The following ATP10B variants were observed in gnomAD, a reference collection of about 807,000 sequenced individuals.
ATP10B encodes ATPase phospholipid transporting 10B (putative), also known as phospholipid-transporting ATPase VB.
A neutral mutation model predicts 141.2 loss-of-function variants in ATP10B; 122 were observed. The observed-to-expected ratio is 0.86, with a 90% CI of 0.75 to 1.00. The LOEUF (loss-of-function observed/expected upper bound fraction) is 1.00, where lower values mean the gene tolerates loss of function less well. Ranked by LOEUF, ATP10B falls within the 50% of genes least tolerant of loss-of-function variation. ATP10B has a pLI of 0.00. For missense variants in ATP10B, 1,876 were observed against 1,825.3 expected (o/e 1.03, Z -0.51); for synonymous variants, 685 against 692.0 (o/e 0.99, Z 0.16).
chr5:160,640,706 A>C, intron 9 of ATP10B, 114 bp from the exon 10 acceptor site: 1 of 1,393,602 alleles, frequency 7.2e-7, no homozygotes, highest in East Asian at 2.3e-5. Flanking sequence ...TCACTCTTTA[A>C]CCTGAACTTG....
the ATP10B span, among the ~76,000 whole-genome samples, chr5:160,878,667 A>G: frequency 3.3e-5 from 5 of 152,204 alleles, no homozygotes; most frequent in African/African-American, 1.2e-4. Context: ...ACAATCTACA[A>G]TGAACTCAAA....
chr5:160,598,611 G>C (rs974558961), intron 22 of ATP10B, among the ~76,000 whole-genome samples, 159 bp downstream of exon 22: 1 of 152,134 alleles, frequency 6.6e-6, no homozygotes, highest in Non-Finnish European at 1.5e-5. Context: ...AAACGGGTCA[G>C]GAAAGGAGAG....
intron 1 of ATP10B, among the ~76,000 whole-genome samples, chr5:160,797,896 G>T (rs1435816797): frequency 6.7e-6 from 1 of 148,930 alleles, no homozygotes; most frequent in Non-Finnish European, 1.5e-5. Context: ...TTCGAGACCA[G>T]CCTGGGCAAC....
chr5:160,849,225 T>C (rs1753642085), intron 1 of ATP10B, among the ~76,000 whole-genome samples: 1 of 152,186 alleles, frequency 6.6e-6, no homozygotes, highest in African/African-American at 2.4e-5. Context: ...GATCTGGAAT[T>C]TTTAATTAAG....
chr5:160,666,937 G>A (rs958488308), intron 7 of ATP10B, among the ~76,000 whole-genome samples: 5 of 152,068 alleles, frequency 3.3e-5, no homozygotes, highest in Admixed American at 6.6e-5. Context: ...GAGGCTCTGG[G>A]ACCGGGCACA....
In ATP10B at chr5:160,805,693, C is replaced by T. The variant is rs1030338889; in HGVS notation, c.-575-19890G>A. On this transcript the variant is annotated intron_variant, in intron 1 of 25. Transcript: ENST00000327245. ...AGCATTTACACGGTGTGGGCAGTGG[C>T]CCCTAGTGCCCCAGAGGCTCTTGTT... 2.0e-5 allele frequency among the ~76,000 whole-genome samples: 3 copies of T among 152,120 alleles called. No individual in the cohort carries two copies. In the South Asian group the frequency reaches 6.2e-4, roughly 31 times the overall value.
At chr5:160,816,790 A>G (rs1188242544) in intron 1 of ATP10B, among the ~76,000 whole-genome samples, 2 of 152,312 alleles carry the variant, frequency 1.3e-5, no homozygotes, top group Middle Eastern at 6.8e-3. Flanking sequence ...AGCACATCAA[A>G]AAGCTTATCC....
intron 7 of ATP10B, among the ~76,000 whole-genome samples, chr5:160,651,411 T>C (rs1025593212): frequency 1.2e-4 from 19 of 152,132 alleles, no homozygotes; most frequent in African/African-American, 4.1e-4. Context: ...CTCCTCTACA[T>C]TGACTAATCC....
intron 3 of ATP10B, 51 bp from the exon 4 acceptor site, chr5:160,688,994 ATGC>A: frequency 1.0e-6 from 1 of 955,818 alleles, no homozygotes; most frequent in Non-Finnish European, 1.2e-6. Flanking sequence ...TGGCAAAGAA[ATGC>A]TGCTTTACAG....
intron 8 of ATP10B, among the ~76,000 whole-genome samples, chr5:160,647,448 G>T (rs1293201657): frequency 1.3e-5 from 2 of 152,210 alleles, no homozygotes; most frequent in African/African-American, 4.8e-5. Flanking sequence ...AGGAAGGACA[G>T]GTCTCCCAGA....
In ATP10B at chr5:160,686,248, G is replaced by A. The variant is rs770036702; in HGVS notation, c.301C>T (p.Leu101=). 3 of 1,603,510 alleles carry A rather than the reference G, an allele frequency of 1.9e-6. No homozygotes were observed. Among genetic ancestry groups the A allele is most frequent in the South Asian group, 1.1e-5 (1 of 89,830 alleles). ...HRWANLYFLF[L]VILNWMPSME... is the part of the protein sequence containing the mutation. Reference sequence around the variant, plus strand: ...GAGGGCATCCAGTTCAAAATCACCAGGAACAGGAAATAGAGGTTAGCCCAT... The same window carrying A: ...GAGGGCATCCAGTTCAAAATCACCAAGAACAGGAAATAGAGGTTAGCCCAT... The change falls in exon 6 of 26, where the codon CTG becomes TTG. Residue 101 remains leucine, a synonymous_variant. Coordinates refer to ENST00000327245, the MANE Select transcript of ATP10B (RefSeq NM_025153.3).
At chr5:160,844,829 G>C (rs1358568789) in intron 1 of ATP10B, among the ~76,000 whole-genome samples, 1 of 152,134 alleles carries the variant, frequency 6.6e-6, no homozygotes, top group African/African-American at 2.4e-5. Flanking sequence ...ACAGGCATGA[G>C]ACACTGTCCC....
intron 2 of ATP10B, among the ~76,000 whole-genome samples, chr5:160,736,465 T>TA (rs1448007453): frequency 6.6e-6 from 1 of 152,038 alleles, no homozygotes; most frequent in East Asian, 1.9e-4. Flanking sequence ...AAAGCCATAA[T>TA]AAAAAGTCTA....
At chr5:160,668,479 T>C (rs1014598730) in intron 7 of ATP10B, among the ~76,000 whole-genome samples, 1 of 152,228 alleles carries the variant, frequency 6.6e-6, no homozygotes, top group Non-Finnish European at 1.5e-5. Context: ...CAGGCTGTTA[T>C]TGCTTGTCTA....
intron 3 of ATP10B, among the ~76,000 whole-genome samples, chr5:160,714,873 CGTGTGAGGTGTCA>C (rs1765502352): frequency 6.8e-6 from 1 of 147,144 alleles, no homozygotes; most frequent in South Asian, 2.2e-4. Context: ...AATACCCTGC[CGTGTGAGGTGTCA>C]GTGTGGCCCT....
rs1391891034 is a variant in ATP10B, at chr5:160,607,079, C to T, written c.2846G>A (p.Cys949Tyr). Residue 949 changes from cysteine to tyrosine, a missense_variant, in exon 19 of 26, where the codon TGT (cysteine) becomes TAT (tyrosine). By Grantham distance (194) the Cys-to-Tyr change is radical. Coordinates refer to ENST00000327245, the MANE Select transcript of ATP10B (RefSeq NM_025153.3). ...YTINTENQET[C>Y]ESILNCALEE... ...CAATGCACAATTGAGGATGGATTCA[C>T]AGGTCTCCTATAAAGAAGCATAATA... The T allele has an allele frequency of 1.2e-6, 2 of 1,611,788 alleles. No homozygotes were observed. Among genetic ancestry groups the T allele is most frequent in the African/African-American group, 2.7e-5 (2 of 74,806 alleles).
At chr5:160,889,307 C>T in the ATP10B span, among the ~76,000 whole-genome samples, 1 of 152,176 alleles carries the variant, frequency 6.6e-6, no homozygotes, top group African/African-American at 2.4e-5. Context: ...GGCTAGAGTG[C>T]CCAGCTGATA....
At chr5:160,657,809 G>A (rs1761611485) in intron 7 of ATP10B, among the ~76,000 whole-genome samples, 1 of 152,150 alleles carries the variant, frequency 6.6e-6, no homozygotes. Context: ...TTACTTCTGG[G>A]TCCCCAGAGC....
intron 1 of ATP10B, among the ~76,000 whole-genome samples, chr5:160,788,866 C>CA (rs1771366030): frequency 6.6e-6 from 1 of 151,966 alleles, no homozygotes; most frequent in African/African-American, 2.4e-5. Flanking sequence ...CTCATTCATC[C>CA]AAAATGAATG....
Sources: allele counts gnomAD v4.1 joint callset (sites outside exome capture counted in the v4.1 genomes callset), GRCh38; gene constraint gnomAD v4.1.1; transcripts MANE v1.5; gene names NCBI Gene and HGNC (gene_info 2026-07-23, HGNC 2026-07-21).